KCNQ5: variants seen among roughly 807,000 people sequenced by gnomAD.
The protein encoded by KCNQ5 is potassium voltage-gated channel subfamily Q member 5, also known as potassium voltage-gated channel subfamily KQT member 5.
Under a neutral mutation model 98.2 loss-of-function variants are expected in KCNQ5, and 30 were observed. That is an observed-to-expected ratio of 0.31 (90% CI 0.23 to 0.41). The LOEUF (loss-of-function observed/expected upper bound fraction) is 0.41. KCNQ5 is among the 10% of genes least tolerant of loss of function. The probability of loss-of-function intolerance (pLI) is 1.00; values close to 1 mark genes in which losing one functional copy is unlikely to be tolerated. For missense variants in KCNQ5, 835 were observed against 1,182.5 expected (o/e 0.71, Z 4.31); for synonymous variants, 458 against 449.4 (o/e 1.02, Z -0.24).
At chr6:73,124,163 C>T (rs1775855385) in intron 8 of KCNQ5, among the ~76,000 whole-genome samples, 1 of 152,132 alleles carries the variant, frequency 6.6e-6, no homozygotes, top group South Asian at 2.1e-4. Context: ...TTCTAAGAGC[C>T]CTTGCTAATT....
At position 72,814,185 on chromosome 6, in the gene KCNQ5, G is replaced by A. The variant is rs143593038; in HGVS notation, c.399-189723G>A. On this transcript the variant is annotated intron_variant, in intron 1 of 13. Transcript: ENST00000370398. ...AAGGGTGGGAAGCAGAAGACAAGGC[G>A]GTGGTCCTGTCCACCCTGGAAAATG... is the stretch of plus-strand genomic sequence containing the variant. Among the ~76,000 whole-genome samples, 264 of 152,304 alleles carry A rather than the reference G, an allele frequency of 1.7e-3. 7 individuals are homozygous for A. The highest frequency in any genetic ancestry group is 0.014 in the Admixed American group (217 of 15,302).
At chr6:72,740,979 A>G (rs926658316) in intron 1 of KCNQ5, among the ~76,000 whole-genome samples, 1 of 152,176 alleles carries the variant, frequency 6.6e-6, no homozygotes, top group Non-Finnish European at 1.5e-5. Context: ...GTGCCAAAGT[A>G]ACACCATTAG....
intron 1 of KCNQ5, among the ~76,000 whole-genome samples, chr6:72,856,469 T>TACACAC (rs767112412): frequency 1.2e-3 from 70 of 58,950 alleles, no homozygotes; most frequent in African/African-American, 2.3e-3. Flanking sequence ...CACACACATA[T>TACACAC]ATACACACAC....
chr6:72,736,395 T>C (rs1409225207), intron 1 of KCNQ5, among the ~76,000 whole-genome samples: 1 of 151,494 alleles, frequency 6.6e-6, no homozygotes, highest in Non-Finnish European at 1.5e-5. Context: ...AAAAGATGAA[T>C]ATAAATTGCT....
intron 1 of KCNQ5, among the ~76,000 whole-genome samples, chr6:72,957,324 C>T (rs1405330863): frequency 6.6e-6 from 1 of 151,932 alleles, no homozygotes; most frequent in African/African-American, 2.4e-5. Context: ...GCGCGCACCA[C>T]CACACTTGGC....
chr6:72,784,435 A>T (rs140298783), intron 1 of KCNQ5, among the ~76,000 whole-genome samples: 1 of 152,202 alleles, frequency 6.6e-6, no homozygotes, highest in Non-Finnish European at 1.5e-5. Flanking sequence ...GACTTTTATT[A>T]TAATAATATT....
intron 11 of KCNQ5, among the ~76,000 whole-genome samples, chr6:73,186,049 AC>A (rs929232583): frequency 1.3e-5 from 2 of 150,970 alleles, no homozygotes; most frequent in Admixed American, 6.6e-5. Context: ...ACATAGGGAG[AC>A]CCCCCCTATC....
At chr6:72,994,707 C>G (rs1242879555) in intron 1 of KCNQ5, among the ~76,000 whole-genome samples, 1 of 151,840 alleles carries the variant, frequency 6.6e-6, no homozygotes, top group African/African-American at 2.4e-5. Flanking sequence ...TTTTTTTAAA[C>G]TAAAAGGGAT....
At chr6:73,131,225 G>T (rs1214825295) in intron 9 of KCNQ5, among the ~76,000 whole-genome samples, 4 of 151,764 alleles carry the variant, frequency 2.6e-5, no homozygotes, top group Non-Finnish European at 5.9e-5. Flanking sequence ...CTTTCATTTT[G>T]GATGTTTTTA....
chr6:72,966,791 C>T (rs1011033400), intron 1 of KCNQ5, among the ~76,000 whole-genome samples: 3 of 152,146 alleles, frequency 2.0e-5, no homozygotes, highest in Non-Finnish European at 4.4e-5. Context: ...TTACTCCATA[C>T]AGACTGTGTT....
rs117384274 is a variant in KCNQ5, at chr6:73,095,626, A to G, written c.919-9631A>G. Among the ~76,000 whole-genome samples the G allele has an allele frequency of 6.5e-4, 99 of 152,278 alleles. No homozygotes were observed. The East Asian group carries it at 0.018, about 28-fold the overall frequency. On this transcript the variant is annotated intron_variant, in intron 5 of 13. Transcript: ENST00000370398. ...GTACCACAGGGTGTTCCCTTGGTGT[A>G]GTACTCTCCCCCTGTTCCTATGGAT...
chr6:73,080,311 TA>T (rs1210235039), intron 5 of KCNQ5, among the ~76,000 whole-genome samples: 1 of 152,042 alleles, frequency 6.6e-6, no homozygotes, highest in Non-Finnish European at 1.5e-5. Context: ...TTTCTATTTT[TA>T]AAAAAAATCT....
At chr6:72,831,785 G>A (rs1265580222) in intron 1 of KCNQ5, among the ~76,000 whole-genome samples, 1 of 151,916 alleles carries the variant, frequency 6.6e-6, no homozygotes, top group East Asian at 1.9e-4. Flanking sequence ...TTAAGAGACG[G>A]ACATTGTTGC....
chr6:73,004,876 G>A (rs890578192), intron 2 of KCNQ5, among the ~76,000 whole-genome samples: 1 of 152,166 alleles, frequency 6.6e-6, no homozygotes, highest in Non-Finnish European at 1.5e-5. Flanking sequence ...GATGGTTTAT[G>A]TGCCCTAATA....
At chr6:72,628,061 A>G (rs1480595847) in intron 1 of KCNQ5, among the ~76,000 whole-genome samples, 1 of 152,204 alleles carries the variant, frequency 6.6e-6, no homozygotes, top group Non-Finnish European at 1.5e-5. Flanking sequence ...GCTTCCATAC[A>G]GTGAAATTTC....
At chr6:73,089,091 G>T (rs1562171140) in intron 5 of KCNQ5, among the ~76,000 whole-genome samples, 1 of 152,120 alleles carries the variant, frequency 6.6e-6, no homozygotes, top group Non-Finnish European at 1.5e-5. Flanking sequence ...CACCCATAGG[G>T]CTTTCATTCC....
At chr6:72,897,119 T>G (rs1779284216) in intron 1 of KCNQ5, among the ~76,000 whole-genome samples, 1 of 152,054 alleles carries the variant, frequency 6.6e-6, no homozygotes, top group Admixed American at 6.6e-5. Context: ...AGCAGAGTAC[T>G]CCAGGCATAG....
chr6:72,957,778 T>TTAA (rs1244226281), intron 1 of KCNQ5, among the ~76,000 whole-genome samples: 1 of 152,162 alleles, frequency 6.6e-6, no homozygotes. Context: ...TGGACTGAAT[T>TTAA]TAATCACATC....
chr6:72,678,102 A>C (rs1237561835), intron 1 of KCNQ5, among the ~76,000 whole-genome samples: 1 of 152,232 alleles, frequency 6.6e-6, no homozygotes, highest in African/African-American at 2.4e-5. Flanking sequence ...TGAGAGAAAC[A>C]AATGAAAAGT....
Sources: allele counts gnomAD v4.1 joint callset (sites outside exome capture counted in the v4.1 genomes callset), GRCh38; gene constraint gnomAD v4.1.1; transcripts MANE v1.5; gene names NCBI Gene and HGNC (gene_info 2026-07-23, HGNC 2026-07-21).